The following PTPN4 variants were observed in gnomAD, a reference collection of about 807,000 sequenced individuals.
PTPN4 encodes tyrosine-protein phosphatase non-receptor type 4.
Under a neutral mutation model 135.5 loss-of-function variants are expected in PTPN4, and 49 were observed. That is an observed-to-expected ratio of 0.36 (90% CI 0.29 to 0.46). PTPN4 has a LOEUF of 0.46. PTPN4 is among the 20% of genes least tolerant of loss of function. PTPN4 has a pLI of 1.00. For missense variants in PTPN4, 860 were observed against 1,101.0 expected (o/e 0.78, Z 3.10); for synonymous variants, 333 against 369.9 (o/e 0.90, Z 1.14).
chr2:119,802,195 C>T (rs1026405116), intron 1 of PTPN4, among the ~76,000 whole-genome samples: 4 of 152,252 alleles, frequency 2.6e-5, no homozygotes, highest in East Asian at 3.9e-4. Context: ...CCGTGCCCGG[C>T]GCTCCTCCTT....
chr2:119,824,991 T>C (rs115331876), intron 2 of PTPN4, among the ~76,000 whole-genome samples: 1,549 of 152,322 alleles, frequency 0.01, 16 homozygotes, highest in Middle Eastern at 0.027. Flanking sequence ...CCTGGCCAAA[T>C]ATAAACATTT....
chr2:119,967,750 T>A, intron 25 of PTPN4, 87 bp from the exon 26 acceptor site: 1 of 1,038,216 alleles, frequency 9.6e-7, no homozygotes, highest in Non-Finnish European at 1.3e-6. Flanking sequence ...TGTTCTTCTG[T>A]GTTATAATTC....
In PTPN4 at chr2:119,832,985, A is replaced by G. The variant is rs182723337; in HGVS notation, c.138+22994A>G. Among the ~76,000 whole-genome samples, 9 of 152,276 alleles carry G rather than the reference A, an allele frequency of 5.9e-5. No homozygotes were observed. In the East Asian group the frequency reaches 1.5e-3, roughly 26 times the overall value. On this transcript the variant is annotated intron_variant, in intron 2 of 26. Coordinates refer to ENST00000263708, the MANE Select transcript of PTPN4 (RefSeq NM_002830.4). ...TTCACAGGTTTGATAAAAGCTTTCA[A>G]TGTCAGATGATTTTTATGTGTGAGA...
chr2:119,826,133 T>C (rs1677143118), intron 2 of PTPN4, among the ~76,000 whole-genome samples: 1 of 152,170 alleles, frequency 6.6e-6, no homozygotes, highest in Admixed American at 6.5e-5. Context: ...TCTCTGGCCT[T>C]ACAGAGAAAC....
At chr2:119,950,306 T>C (rs1679194184) in intron 18 of PTPN4, among the ~76,000 whole-genome samples, 1 of 152,176 alleles carries the variant, frequency 6.6e-6, no homozygotes, top group African/African-American at 2.4e-5. Flanking sequence ...ACAGAGGGAA[T>C]ATATGAATGT....
At chr2:119,804,328 G>T (rs1340695501) in intron 1 of PTPN4, among the ~76,000 whole-genome samples, 1 of 151,704 alleles carries the variant, frequency 6.6e-6, no homozygotes, top group African/African-American at 2.4e-5. Flanking sequence ...TGTGCACAAC[G>T]TGCAAGTTTG....
intron 13 of PTPN4, 162 bp from the exon 14 acceptor site, chr2:119,932,262 A>T: frequency 1.7e-6 from 1 of 583,214 alleles, no homozygotes; most frequent in South Asian, 3.0e-5. Context: ...ATTCTTAGGA[A>T]GTTATTTGGT....
At chr2:119,935,090 C>A in intron 15 of PTPN4, 132 bp downstream of exon 15, 1 of 1,037,722 alleles carries the variant, frequency 9.6e-7, no homozygotes, top group Non-Finnish European at 1.4e-6. Context: ...TGTATGTTTG[C>A]AATTATGCTC....
At position 119,924,664 on chromosome 2, in the gene PTPN4, A is replaced by G. The variant is rs539203207; in HGVS notation, c.1002-1934A>G. 2.6e-5 allele frequency among the ~76,000 whole-genome samples: 4 copies of G among 152,224 alleles called. No homozygotes were observed. The East Asian group carries it at 7.7e-4, about 29-fold the overall frequency. ...GTTGTAATGATAATACTAAATCCCT[A>G]ATGTCTGTATTATGGACAATATGAA... On this transcript the variant is annotated intron_variant, in intron 12 of 26. Transcript: ENST00000263708.
At position 119,882,098 on chromosome 2, in the gene PTPN4, T is replaced by A; in HGVS notation, c.415T>A (p.Leu139Ile). The change falls in exon 7 of 27, where the codon TTA (leucine) becomes ATA (isoleucine). Residue 139 changes from leucine (L) to isoleucine (I), a missense_variant and splice_region_variant. Leu to Ile is a conservative substitution (Grantham distance 5, BLOSUM62 2). Around this residue, in one of 2 missense-constraint regions of PTPN4, gnomAD observed 684 missense variants for 807.0 expected, o/e 0.85. Coordinates refer to ENST00000263708, the MANE Select transcript of PTPN4 (RefSeq NM_002830.4). ...TGTATTTTTGTTTTGTTTTATTAGA[T>A]TACCCTGTCCTTCTAATACTGCTGC... ...QIKQDILTGR[L>I]PCPSNTAALL... 1 of 1,606,568 alleles carries A rather than the reference T, an allele frequency of 6.2e-7. No individual in the cohort carries two copies. Among genetic ancestry groups the A allele is most frequent in the Non-Finnish European group, 8.5e-7 (1 of 1,173,404 alleles).
At chr2:119,864,707 A>G (rs1284031519) in intron 3 of PTPN4, among the ~76,000 whole-genome samples, 2 of 152,200 alleles carry the variant, frequency 1.3e-5, no homozygotes, top group African/African-American at 2.4e-5. Context: ...TGTATACAAA[A>G]AGACATATCA....
rs527792128 is a variant in PTPN4 at position 119,977,744 on chromosome 2, A to G, written c.*674A>G. ...TTTAATAATGTAACTTATATTTATC[A>G]TAAGGTTGGCTTATTCCAAATCATG... On this transcript the variant is annotated 3_prime_UTR_variant, in exon 27 of 27. Coordinates refer to ENST00000263708, the MANE Select transcript of PTPN4 (RefSeq NM_002830.4). 2.5e-4 allele frequency: 38 copies of G among 152,326 alleles called. No homozygotes were observed. Among genetic ancestry groups the G allele is most frequent in the African/African-American group, 9.1e-4 (38 of 41,568 alleles). The allele number at this position is 152,326 out of a possible 1,614,324, so 9.4% of individuals were successfully genotyped here.
chr2:119,867,896 A>G (rs747233042), intron 3 of PTPN4, among the ~76,000 whole-genome samples: 1 of 152,118 alleles, frequency 6.6e-6, no homozygotes, highest in Admixed American at 6.5e-5. Context: ...ACAAGTCTTT[A>G]TCCTTTTTGT....
At chr2:119,785,010 G>C (rs1046175567) in intron 1 of PTPN4, among the ~76,000 whole-genome samples, 12 of 152,220 alleles carry the variant, frequency 7.9e-5, no homozygotes, top group Admixed American at 2.6e-4. Context: ...TTTGTTAACA[G>C]TAGATTAGAG....
intron 10 of PTPN4, among the ~76,000 whole-genome samples, chr2:119,913,066 C>T (rs1678597153): frequency 6.6e-6 from 1 of 151,860 alleles, no homozygotes. Flanking sequence ...GTTTTGCTTT[C>T]CCCTTTATTG....
At chr2:119,797,804 C>T (rs1691290160) in intron 1 of PTPN4, among the ~76,000 whole-genome samples, 1 of 152,114 alleles carries the variant, frequency 6.6e-6, no homozygotes, top group African/African-American at 2.4e-5. Context: ...TTAACGTTAA[C>T]AGAATTTTAA....
chr2:119,845,250 G>GGGGGA (rs1677475956), intron 2 of PTPN4, among the ~76,000 whole-genome samples: 4 of 87,686 alleles, frequency 4.6e-5, no homozygotes, highest in African/African-American at 8.4e-5. Context: ...GAGAGGGGGA[G>GGGGGA]GGGGAGGGGG....
intron 15 of PTPN4, among the ~76,000 whole-genome samples, chr2:119,939,049 A>T (rs1679026194): frequency 6.6e-6 from 1 of 152,186 alleles, no homozygotes; most frequent in Non-Finnish European, 1.5e-5. Context: ...CCTCACTGTT[A>T]AAAAACAGGG....
intron 15 of PTPN4, 71 bp downstream of exon 15, chr2:119,935,029 G>T: frequency 6.9e-7 from 1 of 1,443,810 alleles, no homozygotes; most frequent in South Asian, 1.3e-5. Flanking sequence ...AAATAATCTG[G>T]GAAATTAGGA....
Sources: gnomAD v4.1 joint callset for allele counts (sites outside exome capture counted in the v4.1 genomes callset) on GRCh38, gnomAD v4.1.1 for gene constraint, gnomAD v4.1.1 regional missense constraint, MANE v1.5 for transcripts, NCBI Gene and HGNC (gene_info 2026-07-23, HGNC 2026-07-21) for gene names.